MECOM: variants seen among roughly 807,000 people sequenced by gnomAD.
MECOM encodes MDS1 and EVI1 complex locus, also known as histone-lysine N-methyltransferase MECOM.
MECOM carries 13 observed loss-of-function variants against 116.3 expected under a neutral mutation model. The ratio of observed to expected loss-of-function variants is 0.11; its 90% CI spans 0.07 to 0.18. The LOEUF (loss-of-function observed/expected upper bound fraction) is 0.18, where lower values mean the gene tolerates loss of function less well. Ranked by LOEUF, MECOM falls within the 10% of genes least tolerant of loss-of-function variation. The probability of loss-of-function intolerance (pLI) is 1.00; values close to 1 mark genes in which losing one functional copy is unlikely to be tolerated. For synonymous variants in MECOM, 528 were observed against 535.2 expected (o/e 0.99, Z 0.19); for missense variants, 1,299 against 1,509.0 (o/e 0.86, Z 2.31).
intron 2 of MECOM, among the ~76,000 whole-genome samples, chr3:169,364,494 C>T (rs571342093): frequency 7.9e-5 from 12 of 152,100 alleles, no homozygotes; most frequent in African/African-American, 2.4e-4. Flanking sequence ...CAACTGTGTG[C>T]TTAAAGAAAC....
intron 2 of MECOM, among the ~76,000 whole-genome samples, chr3:169,212,625 T>C (rs1220749201): frequency 7.9e-6 from 1 of 125,804 alleles, no homozygotes; most frequent in Non-Finnish European, 1.6e-5. Context: ...CTTGGTCTTC[T>C]AGTCAGCAAT....
chr3:169,587,093 A>G (rs1034486283), intron 1 of MECOM, among the ~76,000 whole-genome samples: 1 of 152,220 alleles, frequency 6.6e-6, no homozygotes, highest in African/African-American at 2.4e-5. Flanking sequence ...GACAACAAAA[A>G]GAGGTTAAAT....
chr3:169,499,392 GA>G (rs1754253272), intron 1 of MECOM, among the ~76,000 whole-genome samples: 1 of 121,474 alleles, frequency 8.2e-6, no homozygotes, highest in Non-Finnish European at 1.7e-5. Flanking sequence ...CAGAATAAGA[GA>G]AGAACTGTTC....
At chr3:169,472,679 AG>A (rs1233230496) in intron 1 of MECOM, among the ~76,000 whole-genome samples, 24 of 77,906 alleles carry the variant, frequency 3.1e-4, no homozygotes, top group Non-Finnish European at 4.3e-4. Context: ...AAAGGAGAGG[AG>A]AGGAAAGGAA....
chr3:169,365,598 T>C (rs1335457547), intron 2 of MECOM, among the ~76,000 whole-genome samples: 1 of 152,026 alleles, frequency 6.6e-6, no homozygotes, highest in African/African-American at 2.4e-5. Context: ...TTAGATTTAC[T>C]TTTGGAGATG....
chr3:169,159,890 G>A (rs576138039), intron 2 of MECOM, among the ~76,000 whole-genome samples: 7 of 152,184 alleles, frequency 4.6e-5, no homozygotes, highest in Non-Finnish European at 8.8e-5. Flanking sequence ...TATCTCATAG[G>A]GCTATTGAGA....
intron 1 of MECOM, among the ~76,000 whole-genome samples, chr3:169,472,527 G>GAA (rs1560317935): frequency 1.1e-5 from 1 of 88,362 alleles, no homozygotes; most frequent in Non-Finnish European, 2.1e-5. Context: ...GGAAAGAAAA[G>GAA]AAAAGAAAAG....
At chr3:169,244,976 A>T (rs1332706119) in intron 2 of MECOM, among the ~76,000 whole-genome samples, 1 of 152,184 alleles carries the variant, frequency 6.6e-6, no homozygotes, top group African/African-American at 2.4e-5. Context: ...AACAAAAACA[A>T]ACAACAGCAA....
At chr3:169,130,902 T>C (rs933192932) in intron 4 of MECOM, among the ~76,000 whole-genome samples, 4 of 152,194 alleles carry the variant, frequency 2.6e-5, no homozygotes, top group Non-Finnish European at 5.9e-5. Flanking sequence ...TATCTTTTGA[T>C]TTAGAATAGG....
intron 4 of MECOM, among the ~76,000 whole-genome samples, chr3:169,129,008 T>G (rs1733811060): frequency 6.6e-6 from 1 of 152,070 alleles, no homozygotes; most frequent in Non-Finnish European, 1.5e-5. Context: ...ATAATCCCTC[T>G]TTTATAGACC....
intron 7 of MECOM, 187 bp downstream of exon 7, chr3:169,120,869 A>C: frequency 2.0e-6 from 1 of 503,916 alleles, no homozygotes; most frequent in East Asian, 3.6e-5. Flanking sequence ...CCCAGGAATC[A>C]AGGACAAAAT....
At chr3:169,576,838 C>CACACACACACAGAGAGAGAG (rs368016499) in intron 1 of MECOM, among the ~76,000 whole-genome samples, 2 of 125,012 alleles carry the variant, frequency 1.6e-5, no homozygotes, top group Admixed American at 1.7e-4. Context: ...CACACACACA[C>CACACACACACAGAGAGAGAG]AGAGAGAGAG....
chr3:169,110,170 C>T (rs1726867201), intron 9 of MECOM, among the ~76,000 whole-genome samples: 2 of 152,282 alleles, frequency 1.3e-5, no homozygotes, highest in African/African-American at 4.8e-5. Context: ...GCAAGTCATT[C>T]TGTTTTGGCT....
At chr3:169,140,984 A>G (rs1737932002) in intron 3 of MECOM, among the ~76,000 whole-genome samples, 2 of 152,082 alleles carry the variant, frequency 1.3e-5, no homozygotes, top group Non-Finnish European at 2.9e-5. Context: ...AATCTTAGCA[A>G]GCACATTTAT....
At chr3:169,526,754 C>T (rs1169264256) in intron 1 of MECOM, among the ~76,000 whole-genome samples, 3 of 152,082 alleles carry the variant, frequency 2.0e-5, no homozygotes, top group East Asian at 1.9e-4. Context: ...ACTCAGGTAA[C>T]TAAGCCCTGA....
intron 2 of MECOM, among the ~76,000 whole-genome samples, chr3:169,210,610 C>T (rs1490274637): frequency 6.6e-6 from 1 of 152,090 alleles, no homozygotes; most frequent in Non-Finnish European, 1.5e-5. Flanking sequence ...CTCATTCTTT[C>T]TCTCTTTCTC....
intron 2 of MECOM, among the ~76,000 whole-genome samples, chr3:169,191,344 A>G (rs1747515083): frequency 6.8e-6 from 1 of 147,956 alleles, no homozygotes; most frequent in Admixed American, 6.7e-5. Context: ...AAAGAAGAGC[A>G]CCTGCCTGGA....
chr3:169,366,621 A>ACCT (rs1729206769), intron 2 of MECOM, among the ~76,000 whole-genome samples: 1 of 151,996 alleles, frequency 6.6e-6, no homozygotes, highest in African/African-American at 2.4e-5. Flanking sequence ...TTTTGAGGGC[A>ACCT]GCTGGCCTCT....
At chr3:169,448,601 T>G (rs1745044927) in intron 1 of MECOM, among the ~76,000 whole-genome samples, 1 of 152,136 alleles carries the variant, frequency 6.6e-6, no homozygotes, top group South Asian at 2.1e-4. Flanking sequence ...TAGAATAGCA[T>G]CCACAGGAGT....
Sources: allele counts gnomAD v4.1 joint callset (sites outside exome capture counted in the v4.1 genomes callset), GRCh38; gene constraint gnomAD v4.1.1; transcripts MANE v1.5; gene names NCBI Gene and HGNC (gene_info 2026-07-23, HGNC 2026-07-21).